Variants in ROBO2 observed in about 807,000 individuals in gnomAD.
ROBO2 encodes the protein roundabout homolog 2.
ROBO2 carries 53 observed loss-of-function variants against 160.8 expected under a neutral mutation model. The ratio of observed to expected loss-of-function variants is 0.33; its 90% CI spans 0.26 to 0.41. ROBO2 has a LOEUF of 0.41. ROBO2 is among the 10% of genes least tolerant of loss of function. The probability of loss-of-function intolerance (pLI) is 1.00; values close to 1 mark genes in which losing one functional copy is unlikely to be tolerated. For synonymous variants in ROBO2, 664 were observed against 611.7 expected (o/e 1.09, Z -1.26); for missense variants, 1,577 against 1,722.4 (o/e 0.92, Z 1.49).
intron 2 of ROBO2, among the ~76,000 whole-genome samples, chr3:77,319,956 C>T (rs1245689949): frequency 2.6e-5 from 4 of 152,184 alleles, no homozygotes; most frequent in Non-Finnish European, 5.9e-5. Flanking sequence ...GACTTATCAG[C>T]TGCAATTGTA....
chr3:76,239,938 G>A (rs1371040513), intron 2 of ROBO2, among the ~76,000 whole-genome samples: 1 of 152,038 alleles, frequency 6.6e-6, no homozygotes, highest in East Asian at 1.9e-4. Context: ...AGGTGTAAAT[G>A]GGGCTTTGCA....
chr3:76,219,161 T>C (rs1302725126), intron 2 of ROBO2, among the ~76,000 whole-genome samples: 2 of 152,280 alleles, frequency 1.3e-5, no homozygotes, highest in African/African-American at 4.8e-5. Context: ...CAAAAATTAA[T>C]TCAAGATGGA....
At chr3:76,484,181 C>T in intron 2 of ROBO2, among the ~76,000 whole-genome samples, 1 of 152,054 alleles carries the variant, frequency 6.6e-6, no homozygotes, top group Non-Finnish European at 1.5e-5. Context: ...GTACGTCTGA[C>T]ATTAAAATAA....
intron 2 of ROBO2, among the ~76,000 whole-genome samples, chr3:75,978,018 CA>C (rs1201836744): frequency 6.6e-6 from 1 of 151,416 alleles, no homozygotes; most frequent in Non-Finnish European, 1.5e-5. Context: ...ATGTTAGTTA[CA>C]GTATGTTCCA....
intron 2 of ROBO2, among the ~76,000 whole-genome samples, chr3:76,680,543 C>T (rs2092533024): frequency 6.6e-6 from 1 of 151,968 alleles, no homozygotes; most frequent in East Asian, 1.9e-4. Context: ...ATGCCAAAAG[C>T]TAGCATGTTT....
chr3:77,138,463 G>GA (rs2076450148), intron 2 of ROBO2, among the ~76,000 whole-genome samples: 1 of 152,104 alleles, frequency 6.6e-6, no homozygotes, highest in Non-Finnish European at 1.5e-5. Context: ...CCTTTCAAGT[G>GA]AAAAATGCAG....
intron 2 of ROBO2, among the ~76,000 whole-genome samples, chr3:77,113,555 A>G (rs2073895073): frequency 6.6e-6 from 1 of 152,168 alleles, no homozygotes. Flanking sequence ...CTAATGAAGT[A>G]CCCAATGGCA....
intron 2 of ROBO2, among the ~76,000 whole-genome samples, chr3:76,912,344 A>G (rs894001412): frequency 1.3e-5 from 2 of 152,200 alleles, no homozygotes; most frequent in Non-Finnish European, 2.9e-5. Context: ...GTTTTTAAAA[A>G]TTATATTTAT....
At chr3:77,001,652 A>C (rs1490351088) in intron 2 of ROBO2, among the ~76,000 whole-genome samples, 1 of 152,144 alleles carries the variant, frequency 6.6e-6, no homozygotes, top group Non-Finnish European at 1.5e-5. Context: ...CTAGAATTCC[A>C]AATGGGCTAA....
chr3:76,622,509 C>G (rs963432878), intron 2 of ROBO2, among the ~76,000 whole-genome samples: 1 of 151,866 alleles, frequency 6.6e-6, no homozygotes, highest in South Asian at 2.1e-4. Context: ...TTTAACAGTC[C>G]CATCCCCTAT....
chr3:77,609,812 T>A (rs898313915), intron 21 of ROBO2, among the ~76,000 whole-genome samples: 16 of 139,488 alleles, frequency 1.1e-4, no homozygotes, highest in Admixed American at 2.8e-4. Flanking sequence ...ATATATATAT[T>A]TATATGTATG....
intron 2 of ROBO2, among the ~76,000 whole-genome samples, chr3:76,703,163 T>G (rs1270779458): frequency 6.6e-6 from 1 of 152,120 alleles, no homozygotes; most frequent in Non-Finnish European, 1.5e-5. Flanking sequence ...TACATGGCAG[T>G]GCAATACTAT....
At chr3:76,717,828 T>TTGTGATCCTCTGTGTTA (rs1490561874) in intron 2 of ROBO2, among the ~76,000 whole-genome samples, 1 of 151,330 alleles carries the variant, frequency 6.6e-6, no homozygotes. Flanking sequence ...AACCAAGATT[T>TTGTGATCCTCTGTGTTA]GCAGGTAACA....
rs768909596 is a variant in ROBO2, at chr3:77,565,140, A to G, written c.1849+20A>G. On this transcript the variant is annotated intron_variant, in intron 12 of 25. Coordinates refer to ENST00000461745, the Ensembl canonical transcript of ROBO2. ...CACAAGGTACTTTCAACAGCTGTCA[A>G]CAAGACTGGTTCTAGGCAGAAACAT... The G allele has an allele frequency of 6.2e-7, 1 of 1,613,024 alleles. No homozygotes were observed. The highest frequency in any genetic ancestry group is 1.1e-5 in the South Asian group (1 of 91,086).
intron 1 of ROBO2, among the ~76,000 whole-genome samples, chr3:77,046,949 C>G (rs894840012): frequency 3.9e-5 from 6 of 152,096 alleles, no homozygotes; most frequent in African/African-American, 1.4e-4. Flanking sequence ...AAAGTAGTGT[C>G]TGATAAGTAA....
At chr3:77,173,623 A>G (rs1055611721) in intron 2 of ROBO2, among the ~76,000 whole-genome samples, 2 of 152,030 alleles carry the variant, frequency 1.3e-5, no homozygotes, top group African/African-American at 2.4e-5. Flanking sequence ...TCTTGGCACC[A>G]TTCATTTTTT....
intron 2 of ROBO2, among the ~76,000 whole-genome samples, chr3:77,435,930 C>T (rs2079236279): frequency 6.6e-6 from 1 of 150,688 alleles, no homozygotes; most frequent in Admixed American, 6.6e-5. Context: ...ATATCTTGGT[C>T]CTGGGAGTCT....
intron 2 of ROBO2, among the ~76,000 whole-genome samples, chr3:76,264,274 T>C (rs564181473): frequency 6.6e-6 from 1 of 150,808 alleles, no homozygotes; most frequent in African/African-American, 2.4e-5. Context: ...AGTTACGCCA[T>C]AATTACAAAG....
In ROBO2 at chr3:77,125,001, A is replaced by G. The variant is rs970177226; in HGVS notation, c.388+26661A>G. Among the ~76,000 whole-genome samples, 13 of 152,080 alleles carry G rather than the reference A, an allele frequency of 8.5e-5. No homozygotes were observed. In the South Asian group the frequency reaches 2.3e-3, roughly 27 times the overall value. ...CTCATTATAAATACTTAACTCTAAT[A>G]TGATATGATTATATCCTCATATTCC... On this transcript the variant is annotated intron_variant, in intron 2 of 25. Coordinates refer to ENST00000461745, the Ensembl canonical transcript of ROBO2.
Sources: gnomAD v4.1 joint callset for allele counts (sites outside exome capture counted in the v4.1 genomes callset) on GRCh38, gnomAD v4.1.1 for gene constraint, MANE v1.5 for transcripts, NCBI Gene and HGNC (gene_info 2026-07-23, HGNC 2026-07-21) for gene names.